Variants in ZNF619 observed in about 807,000 individuals in gnomAD.
The protein encoded by ZNF619 is zinc finger protein 619.
ZNF619 carries 9 observed loss-of-function variants against 14.2 expected under a neutral mutation model. The observed-to-expected ratio is 0.64, with a 90% CI of 0.38 to 1.11. The LOEUF is 1.11. ZNF619 is among the 50% of genes least tolerant of loss of function. The pLI is 0.01. For synonymous variants in ZNF619, 246 were observed against 252.8 expected (o/e 0.97, Z 0.26); for missense variants, 659 against 680.1 (o/e 0.97, Z 0.34).
At chr3:40,478,073 C>A (rs2125632971) in intron 2 of ZNF619, 70 bp downstream of exon 2, 1 of 1,440,620 alleles carries the variant, frequency 6.9e-7, no homozygotes, top group South Asian at 1.2e-5. Context: ...CCCCAGTAGC[C>A]TGACTTGGCC....
intron 4 of ZNF619, 59 bp downstream of exon 4, chr3:40,482,763 A>G (rs1697449875): frequency 4.5e-6 from 6 of 1,335,158 alleles, no homozygotes; most frequent in Non-Finnish European, 5.2e-6. Context: ...TCTTTTAACA[A>G]TTTAGCATGA....
At chr3:40,479,863 GTC>G in intron 2 of ZNF619, among the ~76,000 whole-genome samples, 1 of 152,240 alleles carries the variant, frequency 6.6e-6, no homozygotes, top group East Asian at 1.9e-4. Context: ...TTGCCACATA[GTC>G]TCTGGGGGAC....
At chr3:40,479,193 A>C (rs900128725) in intron 2 of ZNF619, among the ~76,000 whole-genome samples, 1 of 152,160 alleles carries the variant, frequency 6.6e-6, no homozygotes, top group African/African-American at 2.4e-5. Context: ...TTCCAGCTAG[A>C]AGAGGAGCTG....
intron 2 of ZNF619, among the ~76,000 whole-genome samples, chr3:40,480,655 C>A (rs553600112): frequency 6.6e-6 from 1 of 152,138 alleles, no homozygotes; most frequent in South Asian, 2.1e-4. Context: ...CCTGCCACCA[C>A]GCCCGGCTAA....
At chr3:40,484,226 A>G (rs951235345) in intron 4 of ZNF619, among the ~76,000 whole-genome samples, 4 of 152,222 alleles carry the variant, frequency 2.6e-5, no homozygotes, top group African/African-American at 9.6e-5. Flanking sequence ...GCGCCCAGCT[A>G]GAACTTGTTT....
chr3:40,487,666 G>T lies in ZNF619; in HGVS notation c.1156G>T (p.Val386Leu). 3 of 1,613,634 alleles carry T rather than the reference G, an allele frequency of 1.9e-6. No individual in the cohort carries two copies. The highest frequency in any genetic ancestry group is 2.5e-6 in the Non-Finnish European group (3 of 1,179,918). Reference protein sequence around the residue: ...ECGKAFHRSSVFLQHQRFHTG... With the variant: ...ECGKAFHRSSLFLQHQRFHTG... The stretch of plus-strand genomic sequence containing the variant: ...TGGCAAGGCCTTCCACCGCAGTTCG[G>T]TATTTCTTCAGCACCAGAGGTTCCA... Residue 386 changes from valine (V) to leucine (L), a missense_variant, in exon 5 of 5, where the codon GTA becomes TTA. Physicochemically the swap from Val to Leu is conservative, Grantham distance 32. Transcript: ENST00000432264.
intron 1 of ZNF619, 58 bp from the exon 2 acceptor site, chr3:40,477,860 G>C: frequency 1.1e-6 from 1 of 902,662 alleles, no homozygotes. Context: ...AGACAGAGGG[G>C]AAGAGGCGGC....
intron 2 of ZNF619, among the ~76,000 whole-genome samples, chr3:40,481,150 A>G (rs543845571): frequency 7.2e-5 from 11 of 152,362 alleles, no homozygotes; most frequent in African/African-American, 2.6e-4. Flanking sequence ...GCTTTAAACA[A>G]CCTGTGATGG....
intron 4 of ZNF619, among the ~76,000 whole-genome samples, chr3:40,486,144 G>A (rs1005005313): frequency 1.3e-5 from 2 of 152,204 alleles, no homozygotes; most frequent in Admixed American, 1.3e-4. Flanking sequence ...TGCTAGAGCT[G>A]CCTACCCATC....
At position 40,489,734 on chromosome 3, in the gene ZNF619, A is replaced by T. The variant is rs1400535500; in HGVS notation, c.*1493A>T. The T allele has an allele frequency of 6.6e-6, 1 of 152,178 alleles. No homozygotes were observed. Among genetic ancestry groups the T allele is most frequent in the East Asian group, 1.9e-4 (1 of 5,182 alleles). The allele number at this position is 152,178 out of a possible 1,614,324, so 9.4% of individuals were successfully genotyped here. A position where few individuals can be genotyped will look rare whatever the true frequency, so the allele number is the denominator to read the frequency against. On this transcript the variant is annotated 3_prime_UTR_variant, in exon 5 of 5. Transcript: ENST00000432264. Reference sequence around the variant, plus strand: ...GGCAAAGAAGAGAAACCTGACCATGACTTGCTGTAGTTTCTCAGAAGTGAG... The same window carrying T: ...GGCAAAGAAGAGAAACCTGACCATGTCTTGCTGTAGTTTCTCAGAAGTGAG...
chr3:40,477,874 T>C lies in ZNF619; in HGVS notation c.-62-44T>C. ...GAGACAGAGGGGAAGAGGCGGCAAG[T>C]GTAGGAGACGAGACAGATCAGTCTC... On this transcript the variant is annotated intron_variant, in intron 1 of 4. Coordinates refer to ENST00000432264, the MANE Select transcript of ZNF619 (RefSeq NM_001145093.4). 6.5e-6 allele frequency: 7 copies of C among 1,084,620 alleles called. No individual in the cohort carries two copies. The South Asian group carries it at 9.5e-5, about 15-fold the overall frequency. 67.2% of individuals were successfully genotyped at this position (1,084,620 alleles called of 1,614,324 possible). A position where few individuals can be genotyped will look rare whatever the true frequency, so the allele number is the denominator to read the frequency against.
Position 40,477,951 on chromosome 3 carries a change from G to T in ZNF619, c.-29G>T, listed in dbSNP as rs748189185. On this transcript the variant is annotated 5_prime_UTR_variant, in exon 2 of 5. Coordinates refer to ENST00000432264, the MANE Select transcript of ZNF619 (RefSeq NM_001145093.4). ...GTTCTTACTTTTTCAAACCTAGAGG[G>T]CAGTGCATGAAGCCAGGGGTCATCA... 47 of 1,550,048 alleles carry T rather than the reference G, an allele frequency of 3.0e-5. No individual in the cohort carries two copies. The highest frequency in any genetic ancestry group is 7.1e-5 in the South Asian group (6 of 84,390).
Position 40,487,883 on chromosome 3 carries a change from G to T in ZNF619, c.1373G>T (p.Cys458Phe). The change falls in exon 5 of 5, where the codon TGT becomes TTT. Residue 458 changes from cysteine to phenylalanine, a missense_variant. Physicochemically the swap from Cys to Phe is radical, Grantham distance 205. Transcript: ENST00000432264. ...CACACTGGGGAGAAACCTTATGAGT[G>T]TAAGGAGTGCGGGAAAGCCTTCAGA... ...RVHTGEKPYE[C>F]KECGKAFRWN... 6.2e-7 allele frequency: 1 copy of T among 1,614,204 alleles called. No individual in the cohort carries two copies.
Position 40,488,193 on chromosome 3 carries a change from T to C in ZNF619, c.1683T>C (p.Pro561=), listed in dbSNP as rs765040019. 1.9e-6 allele frequency: 3 copies of C among 1,610,682 alleles called. No homozygotes were observed. In the South Asian group the frequency reaches 3.3e-5, roughly 18 times the overall value. The change falls in exon 5 of 5, where the codon CCT becomes CCC. Residue 561 remains proline (P), a synonymous_variant. Coordinates refer to ENST00000432264, the MANE Select transcript of ZNF619 (RefSeq NM_001145093.4). ...IAHFFQDLAF[P]GKSSLQSPNP... is the part of the protein sequence containing the mutation. ...ATTTTTTTCAGGATCTCGCTTTTCC[T>C]GGGAAGTCATCCCTTCAGAGCCCGA... is the stretch of plus-strand genomic sequence containing the variant.
At position 40,487,916 on chromosome 3, in the gene ZNF619, C is replaced by T. The variant is rs771354983; in HGVS notation, c.1406C>T (p.Ala469Val). Residue 469 changes from alanine (A) to valine (V), a missense_variant, in exon 5 of 5, where the codon GCA becomes GTA. Ala to Val is a moderately conservative substitution (Grantham distance 64, BLOSUM62 0). Coordinates refer to ENST00000432264, the MANE Select transcript of ZNF619 (RefSeq NM_001145093.4). ...KECGKAFRWNASFIQHQKWHT... is the reference protein window; with the variant it reads ...KECGKAFRWNVSFIQHQKWHT... ...TGCGGGAAAGCCTTCAGATGGAATG[C>T]AAGTTTCATCCAGCATCAGAAGTGG... 35 of 1,614,076 alleles carry T rather than the reference C, an allele frequency of 2.2e-5. No individual in the cohort carries two copies. The highest frequency in any genetic ancestry group is 2.7e-5 in the African/African-American group (2 of 74,932).
In ZNF619 at chr3:40,489,100, A is replaced by G. The variant is rs1697732284; in HGVS notation, c.*859A>G. 1 of 151,956 alleles carries G rather than the reference A, an allele frequency of 6.6e-6. No homozygotes were observed. The highest frequency in any genetic ancestry group is 1.5e-5 in the Non-Finnish European group (1 of 67,986). The allele number at this position is 151,956 out of a possible 1,614,324, so 9.4% of individuals were successfully genotyped here. A position where few individuals can be genotyped will look rare whatever the true frequency, so the allele number is the denominator to read the frequency against. ...TATGCAAAAAGAAAATGAAGTGATG[A>G]GTTGGCATTGATAGCAATAATGTAA... On this transcript the variant is annotated 3_prime_UTR_variant, in exon 5 of 5. Transcript: ENST00000432264.
chr3:40,482,205 T>C (rs1697423445), intron 3 of ZNF619, 189 bp downstream of exon 3: 1 of 1,550,068 alleles, frequency 6.5e-7, no homozygotes, highest in South Asian at 1.2e-5. Context: ...AACAGGACTT[T>C]TCTCTTCCCT....
intron 3 of ZNF619, 47 bp from the exon 4 acceptor site, chr3:40,482,541 C>T (rs768521836): frequency 2.5e-6 from 4 of 1,586,088 alleles, no homozygotes; most frequent in South Asian, 1.1e-5. Context: ...TGAGGGAGGT[C>T]AGTGTTGATT....
intron 4 of ZNF619, among the ~76,000 whole-genome samples, chr3:40,485,640 C>T (rs114248724): frequency 0.031 from 4,622 of 148,304 alleles, 123 homozygotes; most frequent in South Asian, 0.14. Context: ...TGTTTTGTTT[C>T]GGTTTCAGCT....
Sources: gnomAD v4.1 joint callset for allele counts (sites outside exome capture counted in the v4.1 genomes callset) on GRCh38, gnomAD v4.1.1 for gene constraint, MANE v1.5 for transcripts, NCBI Gene and HGNC (gene_info 2026-07-23, HGNC 2026-07-21) for gene names.